COL17A1: variants seen among roughly 807,000 people sequenced by gnomAD.
The protein encoded by COL17A1 is collagen type XVII alpha 1 chain, also known as collagen alpha-1(XVII) chain.
Under a neutral mutation model 218.4 loss-of-function variants are expected in COL17A1, and 181 were observed. The ratio of observed to expected loss-of-function variants is 0.83; its 90% CI spans 0.73 to 0.94. The LOEUF is 0.94. COL17A1 is among the 40% of genes least tolerant of loss of function. The pLI is 0.00. For synonymous variants in COL17A1, 721 were observed against 731.0 expected (o/e 0.99, Z 0.22); for missense variants, 1,924 against 1,945.9 (o/e 0.99, Z 0.21).
Position 104,048,298 on chromosome 10 carries a change from C to G in COL17A1, c.2228-194G>C, listed in dbSNP as rs372831995. The G allele has an allele frequency of 2.5e-4, 189 of 750,990 alleles. 1 individual carries two copies. The East Asian group carries it at 3.7e-3, about 15-fold the overall frequency. The allele number at this position is 750,990 out of a possible 1,614,324, so 46.5% of individuals were successfully genotyped here. ...CCCCTTCTCCTAAACCAGCAATTGT[C>G]TCTTTTCCTGTTGAGAATTGTTCAG... On this transcript the variant is annotated intron_variant, in intron 29 of 55. Coordinates refer to ENST00000648076, the MANE Select transcript of COL17A1 (RefSeq NM_000494.4).
intron 7 of COL17A1, among the ~76,000 whole-genome samples, 178 bp from the exon 8 acceptor site, chr10:104,072,257 C>A (rs2134648832): frequency 6.6e-6 from 1 of 152,246 alleles, no homozygotes; most frequent in South Asian, 2.1e-4. Flanking sequence ...ACCTCCCTAC[C>A]TCCAACAATT....
At chr10:104,065,041 G>A (rs901986209) in intron 9 of COL17A1, among the ~76,000 whole-genome samples, 1 of 152,194 alleles carries the variant, frequency 6.6e-6, no homozygotes, top group African/African-American at 2.4e-5. Context: ...GCCATTGCAG[G>A]GTGCATGCCT....
At chr10:104,044,969 T>G (rs1458589552) in intron 33 of COL17A1, among the ~76,000 whole-genome samples, 1 of 152,008 alleles carries the variant, frequency 6.6e-6, no homozygotes, top group East Asian at 1.9e-4. Flanking sequence ...TTGGAAATGA[T>G]TTCTGGAAAG....
rs57572186 is a variant in COL17A1 at position 104,077,699 on chromosome 10, TTTTTG to T, written c.98-178_98-174del. ...GCTGCCATGCTCCAGTTTCGTTGGTTTTTTGTTTTGTTTTGTTTTGTTTTGTTTTG... is the reference window on the plus strand; with the variant it reads ...GCTGCCATGCTCCAGTTTCGTTGGTTTTTTGTTTTGTTTTGTTTTGTTTTG... On this transcript the variant is annotated intron_variant, in intron 3 of 55. Transcript: ENST00000648076. Among the ~76,000 whole-genome samples, 7,713 of 151,512 alleles carry T rather than the reference TTTTTG, an allele frequency of 0.051. 660 individuals are homozygous for T. The highest frequency in any genetic ancestry group is 0.17 in the African/African-American group (7,153 of 41,190).
chr10:104,074,272 G>C, intron 5 of COL17A1, 41 bp from the exon 6 acceptor site: 1 of 1,614,000 alleles, frequency 6.2e-7, no homozygotes, highest in Non-Finnish European at 8.5e-7. Flanking sequence ...TGGCCTCTTA[G>C]GCCCATAAAG....
chr10:104,073,751 T>C (rs2086686704), intron 6 of COL17A1, among the ~76,000 whole-genome samples: 1 of 152,114 alleles, frequency 6.6e-6, no homozygotes. Context: ...AGACACAGCT[T>C]GGGGGTTCAT....
chr10:104,034,808 C>T (rs753152330), intron 50 of COL17A1, 41 bp from the exon 51 acceptor site: 85 of 1,602,032 alleles, frequency 5.3e-5, no homozygotes, highest in Middle Eastern at 4.3e-4. Flanking sequence ...GGTAGTGCTG[C>T]GGAGGAAGCT....
intron 32 of COL17A1, among the ~76,000 whole-genome samples, chr10:104,046,368 C>A (rs1211481900): frequency 6.6e-6 from 1 of 152,180 alleles, no homozygotes; most frequent in Non-Finnish European, 1.5e-5. Flanking sequence ...ACTGGGCTTT[C>A]CCGAACAAGG....
chr10:104,048,009 G>T (rs1274533155), intron 30 of COL17A1, 60 bp downstream of exon 30: 3 of 1,596,294 alleles, frequency 1.9e-6, no homozygotes, highest in Non-Finnish European at 2.6e-6. Context: ...ACTGAGGGCT[G>T]CATGCTGGAA....
At position 104,032,563 on chromosome 10, in the gene COL17A1, C is replaced by T. The variant is rs1844699768; in HGVS notation, c.4438+111G>A. On this transcript the variant is annotated intron_variant, in intron 55 of 55. Coordinates refer to ENST00000648076, the MANE Select transcript of COL17A1 (RefSeq NM_000494.4). ...GGCAGTGTCTGCCTGGAGTAATTGG[C>T]ATTTGCCTGAATTTCTCAGGCTTGC... The T allele has an allele frequency of 5.2e-6, 6 of 1,150,160 alleles. No individual in the cohort carries two copies. The South Asian group carries it at 6.2e-5, about 12-fold the overall frequency. The allele number at this position is 1,150,160 out of a possible 1,614,324, so 71.2% of individuals were successfully genotyped here.
At chr10:104,037,222 A>G in intron 46 of COL17A1, 109 bp from the exon 47 acceptor site, 1 of 960,058 alleles carries the variant, frequency 1.0e-6, no homozygotes, top group Non-Finnish European at 1.6e-6. Flanking sequence ...CTTTGGGGGA[A>G]GTGGATGAAT....
At chr10:104,057,672 G>A (rs920933318) in intron 16 of COL17A1, among the ~76,000 whole-genome samples, 3 of 151,682 alleles carry the variant, frequency 2.0e-5, no homozygotes, top group Admixed American at 2.0e-4. Flanking sequence ...CTTCAGGGGT[G>A]CCTAGTGAAT....
intron 23 of COL17A1, 55 bp downstream of exon 23, chr10:104,052,974 CAG>C (rs1421296754): frequency 1.3e-6 from 2 of 1,588,444 alleles, no homozygotes; most frequent in African/African-American, 2.7e-5. Flanking sequence ...CGGGTGTTGA[CAG>C]AGAGAAGGAA....
At chr10:104,071,396 T>C (rs192397100) in intron 8 of COL17A1, among the ~76,000 whole-genome samples, 1 of 152,308 alleles carries the variant, frequency 6.6e-6, no homozygotes, top group African/African-American at 2.4e-5. Flanking sequence ...GACCATGTTC[T>C]TTCTTCTACT....
chr10:104,041,385 G>A (rs574419665), intron 37 of COL17A1, 41 bp from the exon 38 acceptor site: 3 of 1,606,330 alleles, frequency 1.9e-6, no homozygotes, highest in East Asian at 2.2e-5. Flanking sequence ...TGAGCTCAGG[G>A]AGCTGATGCC....
intron 3 of COL17A1, among the ~76,000 whole-genome samples, 168 bp downstream of exon 3, chr10:104,078,374 A>T (rs939334049): frequency 6.6e-6 from 1 of 152,158 alleles, no homozygotes; most frequent in Non-Finnish European, 1.5e-5. Flanking sequence ...ACTAGCAATC[A>T]CTGAATTATA....
At chr10:104,039,146 C>T in intron 43 of COL17A1, 25 bp from the exon 44 acceptor site, 3 of 1,613,102 alleles carry the variant, frequency 1.9e-6, no homozygotes, top group Non-Finnish European at 2.5e-6. Flanking sequence ...GAGAAGTTTG[C>T]CTCACCTCCT....
At chr10:104,049,287 A>T (rs1376942081) in intron 29 of COL17A1, 122 bp downstream of exon 29, 1 of 862,120 alleles carries the variant, frequency 1.2e-6, no homozygotes, top group Non-Finnish European at 2.0e-6. Flanking sequence ...GTCAAGGGAG[A>T]CTCTACCAGG....
intron 39 of COL17A1, 63 bp from the exon 40 acceptor site, chr10:104,040,473 A>C (rs906332897): frequency 1.5e-5 from 15 of 1,030,438 alleles, no homozygotes; most frequent in Non-Finnish European, 2.3e-5. Flanking sequence ...AGCACTTTGC[A>C]CAGCACCTGA....
Sources: gnomAD v4.1 joint callset for allele counts (sites outside exome capture counted in the v4.1 genomes callset) on GRCh38, gnomAD v4.1.1 for gene constraint, MANE v1.5 for transcripts, NCBI Gene and HGNC (gene_info 2026-07-23, HGNC 2026-07-21) for gene names.